SYNE1: variants seen among roughly 807,000 people sequenced by gnomAD.
The protein encoded by SYNE1 is nesprin-1.
A neutral mutation model predicts 1,111.0 loss-of-function variants in SYNE1; 616 were observed. That is an observed-to-expected ratio of 0.55 (90% CI 0.52 to 0.59). SYNE1 has a LOEUF of 0.59. SYNE1 is among the 20% of genes least tolerant of loss of function. SYNE1 has a pLI of 0.00. For missense variants in SYNE1, 10,006 were observed against 10,417.0 expected, an observed-to-expected ratio of 0.96 and a Z score of 1.72; for synonymous variants, 3,855 against 3,825.8, an observed-to-expected ratio of 1.01 and a Z score of -0.28.
chr6:152,268,225 T>C, intron 99 of SYNE1, 60 bp from the exon 100 acceptor site: 3 of 1,341,028 alleles, frequency 2.2e-6, no homozygotes, highest in Non-Finnish European at 3.2e-6. Context: ...TTGCCTACAA[T>C]CATAGTTCTA....
intron 3 of SYNE1, among the ~76,000 whole-genome samples, chr6:152,601,052 A>G (rs1171386935): frequency 2.0e-5 from 3 of 152,198 alleles, no homozygotes; most frequent in Non-Finnish European, 4.4e-5. Context: ...CACTTTCCAA[A>G]TCTAACAAAA....
chr6:152,442,060 A>G lies in SYNE1; in HGVS notation c.4008+15T>C, dbSNP rs368542446. On this transcript the variant is annotated intron_variant, in intron 31 of 145. Coordinates refer to ENST00000367255, the MANE Select transcript of SYNE1 (RefSeq NM_182961.4). The stretch of plus-strand genomic sequence containing the variant: ...CCAGCCTCTGTTTAAATGGCCCCTA[A>G]CTTCCGGCTCCTACCTGGATGCGGC... 1.9e-4 allele frequency: 306 copies of G among 1,613,738 alleles called. No homozygotes were observed. The highest frequency in any genetic ancestry group is 2.5e-4 in the Non-Finnish European group (295 of 1,180,028).
chr6:152,603,933 G>T (rs1333047051), intron 3 of SYNE1, among the ~76,000 whole-genome samples: 1 of 103,992 alleles, frequency 9.6e-6, no homozygotes, highest in Non-Finnish European at 1.9e-5. Flanking sequence ...ATATGTATAT[G>T]TATATAGATA....
At chr6:152,468,121 G>A (rs2098782303) in intron 16 of SYNE1, among the ~76,000 whole-genome samples, 1 of 152,014 alleles carries the variant, frequency 6.6e-6, no homozygotes, top group African/African-American at 2.4e-5. Context: ...ACTTATTTTT[G>A]GTATTTAACT....
intron 143 of SYNE1, among the ~76,000 whole-genome samples, chr6:152,132,527 G>A (rs889261476): frequency 1.3e-5 from 2 of 152,212 alleles, no homozygotes; most frequent in East Asian, 1.9e-4. Flanking sequence ...ATTGGCTTGG[G>A]AGGGGAAGAC....
chr6:152,332,764 G>A (rs2096277404), intron 77 of SYNE1, among the ~76,000 whole-genome samples: 1 of 152,182 alleles, frequency 6.6e-6, no homozygotes, highest in Non-Finnish European at 1.5e-5. Context: ...AGTAATAAGT[G>A]TGAAATGTAA....
chr6:152,504,804 CAA>C (rs1163989467), intron 9 of SYNE1, among the ~76,000 whole-genome samples: 1 of 152,090 alleles, frequency 6.6e-6, no homozygotes, highest in Non-Finnish European at 1.5e-5. Context: ...TGATTGACAC[CAA>C]AACACTGCAT....
At chr6:152,152,249 C>T in intron 133 of SYNE1, 108 bp from the exon 134 acceptor site, 2 of 971,468 alleles carry the variant, frequency 2.1e-6, no homozygotes, top group Non-Finnish European at 3.3e-6. Flanking sequence ...GTTACACTAT[C>T]ACAGAGGGAA....
At chr6:152,347,256 C>A (rs2096653536) in intron 72 of SYNE1, 21 bp from the exon 73 acceptor site, 2 of 1,613,766 alleles carry the variant, frequency 1.2e-6, no homozygotes, top group South Asian at 2.2e-5. Flanking sequence ...GAAACCAATA[C>A]AGAGTTTTCA....
intron 63 of SYNE1, among the ~76,000 whole-genome samples, chr6:152,363,299 C>T (rs1397522007): frequency 1.3e-5 from 2 of 148,946 alleles, no homozygotes; most frequent in East Asian, 4.1e-4. Context: ...TCAAGGCCAT[C>T]CTGGCTAACA....
rs763152677 is a variant in SYNE1, at chr6:152,398,690, C to T, written c.7279G>A (p.Ala2427Thr). The T allele has an allele frequency of 4.3e-5, 70 of 1,613,794 alleles. No individual in the cohort carries two copies. The highest frequency in any genetic ancestry group is 5.5e-5 in the South Asian group (5 of 91,082). Residue 2427 changes from alanine to threonine, a missense_variant, in exon 49 of 146, where the codon GCA becomes ACA. Coordinates refer to ENST00000367255, the MANE Select transcript of SYNE1 (RefSeq NM_182961.4). ...EFQEWFLGAK[A>T]AAKESSDRTG... ...CGATCTGATGATTCTTTTGCTGCTGCCTTTGCTCCCAAAAACCATTCTTGG... is the reference window on the plus strand; with the variant it reads ...CGATCTGATGATTCTTTTGCTGCTGTCTTTGCTCCCAAAAACCATTCTTGG...
intron 127 of SYNE1, among the ~76,000 whole-genome samples, chr6:152,192,433 T>C (rs774673859): frequency 8.0e-6 from 1 of 124,882 alleles, no homozygotes. Context: ...TACATGAGCA[T>C]ACATAAGTGA....
At chr6:152,358,560 T>C (rs2096878339) in intron 65 of SYNE1, 23 bp from the exon 66 acceptor site, 1 of 1,613,610 alleles carries the variant, frequency 6.2e-7, no homozygotes, top group Non-Finnish European at 8.5e-7. Context: ...TTTAAAATAA[T>C]GAAGTTAGGA....
chr6:152,424,868 A>C (rs905447176), intron 39 of SYNE1, among the ~76,000 whole-genome samples: 22 of 152,316 alleles, frequency 1.4e-4, no homozygotes, highest in Middle Eastern at 3.4e-3. Context: ...TAAAGAGAAA[A>C]TTTGTTTTCT....
At chr6:152,482,247 A>G (rs1194490820) in intron 14 of SYNE1, among the ~76,000 whole-genome samples, 1 of 152,194 alleles carries the variant, frequency 6.6e-6, no homozygotes, top group African/African-American at 2.4e-5. Flanking sequence ...GCATAAAATA[A>G]TAAAAGGCAA....
Position 152,449,559 on chromosome 6 carries a change from G to A in SYNE1, c.3478C>T (p.His1160Tyr), listed in dbSNP as rs2098629888. ...IKGEAIDTAN[H>Y]GEVKRAVEEI... ...TCAACGGCACGTTTAACCTCTCCGT[G>A]GTTGGCAGTATCGATGGCCTCACCC... is the stretch of plus-strand genomic sequence containing the variant. The change falls in exon 28 of 146, where the codon CAC (histidine) becomes TAC (tyrosine). Residue 1160 changes from histidine to tyrosine, a missense_variant. His to Tyr is a moderately conservative substitution (Grantham distance 83, BLOSUM62 2). This residue lies in a region of SYNE1 where 1,971 missense variants were observed against 2,084.1 expected (regional missense o/e 0.95). Coordinates refer to ENST00000367255, the MANE Select transcript of SYNE1 (RefSeq NM_182961.4). 1 of 1,613,992 alleles carries A rather than the reference G, an allele frequency of 6.2e-7. No individual in the cohort carries two copies. The highest frequency in any genetic ancestry group is 8.5e-7 in the Non-Finnish European group (1 of 1,179,944).
At chr6:152,196,505 T>C (rs2074154305) in intron 127 of SYNE1, among the ~76,000 whole-genome samples, 1 of 151,950 alleles carries the variant, frequency 6.6e-6, no homozygotes, top group African/African-American at 2.4e-5. Context: ...TGATAGGTCT[T>C]ACCAGGACTA....
At position 152,387,321 on chromosome 6, in the gene SYNE1, C is replaced by G. The variant is rs139838755; in HGVS notation, c.8238G>C (p.Glu2746Asp). The G allele has an allele frequency of 6.2e-7, 1 of 1,614,220 alleles. No homozygotes were observed. The highest frequency in any genetic ancestry group is 1.1e-5 in the South Asian group (1 of 91,088). Residue 2746 changes from glutamate (E) to aspartate (D), a missense_variant, in exon 54 of 146, where the codon GAG becomes GAC. Coordinates refer to ENST00000367255, the MANE Select transcript of SYNE1 (RefSeq NM_182961.4). ...NDYVERKNQL[E>D]QWMESVDQKI... ...TTTGATCCACTGATTCCATCCACTGCTCCAACTGGTTTTTCCTCTCTACAT... is the reference window on the plus strand; with the variant it reads ...TTTGATCCACTGATTCCATCCACTGGTCCAACTGGTTTTTCCTCTCTACAT...
chr6:152,478,543 C>T (rs1455426780), intron 14 of SYNE1: 1 of 152,188 alleles, frequency 6.6e-6, no homozygotes, highest in Non-Finnish European at 1.5e-5. Context: ...AAGTGAAGAG[C>T]GTGTATTCGG....
Sources: gnomAD v4.1 joint callset for allele counts (sites outside exome capture counted in the v4.1 genomes callset) on GRCh38, gnomAD v4.1.1 for gene constraint, gnomAD v4.1.1 regional missense constraint, MANE v1.5 for transcripts, NCBI Gene and HGNC (gene_info 2026-07-23, HGNC 2026-07-21) for gene names.